Variants in CENPW observed in about 807,000 individuals in gnomAD.
CENPW encodes cancer-up-regulated gene 2 protein.
In CENPW, 3 loss-of-function variants were observed where a neutral mutation model predicts 11.1. That is an observed-to-expected ratio of 0.27 (90% confidence interval 0.12 to 0.70). The LOEUF (loss-of-function observed/expected upper bound fraction) is 0.70. Among genes scored for constraint, CENPW ranks in the 30% least tolerant of loss-of-function variants. The pLI is 0.77. For synonymous variants in CENPW, 38 were observed against 42.0 expected (o/e 0.91, Z 0.37); for missense variants, 100 against 105.6 (o/e 0.95, Z 0.23).
At chr6:126,360,682 T>C in the CENPW span, among the ~76,000 whole-genome samples, 1 of 151,208 alleles carries the variant, frequency 6.6e-6, no homozygotes, top group South Asian at 2.1e-4. Flanking sequence ...AGCTCTGGGT[T>C]TTTTTTTTCC....
the CENPW span, among the ~76,000 whole-genome samples, chr6:126,392,390 T>A: frequency 1.3e-5 from 2 of 151,820 alleles, no homozygotes; most frequent in African/African-American, 4.8e-5. Flanking sequence ...TCCAGATCTA[T>A]GATGAAAGAC....
chr6:126,410,948 A>G, the CENPW span, among the ~76,000 whole-genome samples: 4 of 151,978 alleles, frequency 2.6e-5, no homozygotes, highest in Non-Finnish European at 5.9e-5. Flanking sequence ...TTTTCTTAAT[A>G]TCATTATTTT....
At chr6:126,409,465 A>C in the CENPW span, among the ~76,000 whole-genome samples, 9 of 152,186 alleles carry the variant, frequency 5.9e-5, no homozygotes, top group African/African-American at 1.9e-4. Flanking sequence ...CCAATGTTTC[A>C]TTGTGGATTT....
At chr6:126,346,058 T>G (rs1780403337) in intron 1 of CENPW, 147 bp from the exon 2 acceptor site, 1 of 485,100 alleles carries the variant, frequency 2.1e-6, no homozygotes, top group Non-Finnish European at 3.7e-6. Flanking sequence ...TAGACTGAAT[T>G]CTATGTAATT....
the CENPW span, among the ~76,000 whole-genome samples, chr6:126,414,374 G>A: frequency 6.6e-6 from 1 of 152,068 alleles, no homozygotes; most frequent in Non-Finnish European, 1.5e-5. Flanking sequence ...TGAACACATG[G>A]AACATTCTCC....
the CENPW span, among the ~76,000 whole-genome samples, chr6:126,397,921 A>G: frequency 6.6e-6 from 1 of 152,082 alleles, no homozygotes; most frequent in Non-Finnish European, 1.5e-5. Flanking sequence ...TTCTTTGTAG[A>G]TAAAAGATGT....
At chr6:126,396,706 G>C in the CENPW span, among the ~76,000 whole-genome samples, 1 of 152,070 alleles carries the variant, frequency 6.6e-6, no homozygotes, top group Non-Finnish European at 1.5e-5. Context: ...CAAGACCAAA[G>C]ACATAGTTCC....
the CENPW span, among the ~76,000 whole-genome samples, chr6:126,379,124 T>G: frequency 6.6e-6 from 1 of 152,122 alleles, no homozygotes; most frequent in African/African-American, 2.4e-5. Context: ...TAAATTATAT[T>G]AACTAATAAA....
the CENPW span, among the ~76,000 whole-genome samples, chr6:126,408,675 C>T: frequency 1.3e-5 from 2 of 152,106 alleles, no homozygotes; most frequent in African/African-American, 4.8e-5. Context: ...TTGATCTGTT[C>T]AGGTTTTGTA....
At chr6:126,347,355 C>T (rs1780430306) in intron 2 of CENPW, among the ~76,000 whole-genome samples, 1 of 152,242 alleles carries the variant, frequency 6.6e-6, no homozygotes, top group South Asian at 2.1e-4. Flanking sequence ...TCCAGTTTCT[C>T]ATAATCCTAA....
chr6:126,445,645 G>A, the CENPW span, among the ~76,000 whole-genome samples: 2 of 150,924 alleles, frequency 1.3e-5, no homozygotes, highest in Non-Finnish European at 3.0e-5. Flanking sequence ...AATTGAAAAT[G>A]TGCTCTTTGT....
chr6:126,452,191 C>A, the CENPW span, among the ~76,000 whole-genome samples: 4 of 151,112 alleles, frequency 2.6e-5, no homozygotes, highest in Non-Finnish European at 5.9e-5. Flanking sequence ...GACCTACTAT[C>A]TCATAGTGTA....
the CENPW span, among the ~76,000 whole-genome samples, chr6:126,457,414 C>T: frequency 6.6e-6 from 1 of 151,432 alleles, no homozygotes; most frequent in Admixed American, 6.6e-5. Flanking sequence ...TTTGCAGCAA[C>T]ATGAATGGAA....
chr6:126,366,330 G>C, the CENPW span, among the ~76,000 whole-genome samples: 1 of 151,978 alleles, frequency 6.6e-6, no homozygotes, highest in South Asian at 2.1e-4. Flanking sequence ...TGAAATAGAG[G>C]CAGTTTTCAA....
At chr6:126,455,226 C>T in the CENPW span, among the ~76,000 whole-genome samples, 1 of 151,434 alleles carries the variant, frequency 6.6e-6, no homozygotes, top group South Asian at 2.1e-4. Flanking sequence ...ATAAGGCTAG[C>T]ATCATCCTGA....
At chr6:126,384,785 A>C in the CENPW span, among the ~76,000 whole-genome samples, 3 of 152,192 alleles carry the variant, frequency 2.0e-5, no homozygotes, top group African/African-American at 7.2e-5. Flanking sequence ...AATTAAATGA[A>C]AGATCTTCTG....
chr6:126,398,428 C>T, the CENPW span, among the ~76,000 whole-genome samples: 1 of 152,114 alleles, frequency 6.6e-6, no homozygotes, highest in Admixed American at 6.6e-5. Context: ...GAGTTAGTTC[C>T]AGGACCGACC....
chr6:126,426,689 T>C, the CENPW span, among the ~76,000 whole-genome samples: 3 of 152,130 alleles, frequency 2.0e-5, no homozygotes, highest in Non-Finnish European at 4.4e-5. Context: ...AATGAACCTC[T>C]ACTGTTACCT....
the CENPW span, among the ~76,000 whole-genome samples, chr6:126,383,167 G>A: frequency 6.6e-6 from 1 of 152,150 alleles, no homozygotes; most frequent in Non-Finnish European, 1.5e-5. Flanking sequence ...TTTATATACA[G>A]TCAAACTAAG....
Sources: gnomAD v4.1 joint callset for allele counts (sites outside exome capture counted in the v4.1 genomes callset) on GRCh38, gnomAD v4.1.1 for gene constraint, MANE v1.5 for transcripts, NCBI Gene and HGNC (gene_info 2026-07-23, HGNC 2026-07-21) for gene names.